FNDC3A: variants seen among roughly 807,000 people sequenced by gnomAD.
FNDC3A encodes fibronectin type-III domain-containing protein 3A.
Under a neutral mutation model 148.9 loss-of-function variants are expected in FNDC3A, and 32 were observed. That is an observed-to-expected ratio of 0.21 (90% CI 0.16 to 0.29). The LOEUF (loss-of-function observed/expected upper bound fraction) is 0.29. Ranked by LOEUF, FNDC3A falls within the 10% of genes least tolerant of loss-of-function variation. The pLI is 1.00. For missense variants in FNDC3A, 1,191 were observed against 1,452.8 expected, an observed-to-expected ratio of 0.82 and a Z score of 2.93; for synonymous variants, 472 against 473.6, an observed-to-expected ratio of 1.00 and a Z score of 0.04.
intron 3 of FNDC3A, among the ~76,000 whole-genome samples, chr13:49,097,431 G>A (rs1879602354): frequency 6.6e-6 from 1 of 151,988 alleles, no homozygotes; most frequent in Non-Finnish European, 1.5e-5. Flanking sequence ...GCAAAAGCCT[G>A]AGGGTATGGG....
intron 3 of FNDC3A, among the ~76,000 whole-genome samples, chr13:49,079,645 A>G (rs796674335): frequency 9.8e-5 from 15 of 152,342 alleles, no homozygotes; most frequent in African/African-American, 3.1e-4. Context: ...TGTTGAACCA[A>G]AAGTCTTCCT....
At chr13:49,094,927 TAAG>T (rs1271010930) in intron 3 of FNDC3A, among the ~76,000 whole-genome samples, 1 of 152,012 alleles carries the variant, frequency 6.6e-6, no homozygotes, top group Non-Finnish European at 1.5e-5. Flanking sequence ...TCTTTTGTAA[TAAG>T]AAAAAACATT....
chr13:49,001,095 A>G (rs1227700188), intron 1 of FNDC3A, among the ~76,000 whole-genome samples: 1 of 152,080 alleles, frequency 6.6e-6, no homozygotes, highest in Admixed American at 6.6e-5. Flanking sequence ...AGGGACCCCG[A>G]ATGGAGGGAT....
intron 8 of FNDC3A, 36 bp from the exon 9 acceptor site, chr13:49,167,208 T>C: frequency 1.5e-6 from 2 of 1,349,812 alleles, no homozygotes; most frequent in Non-Finnish European, 2.1e-6. Context: ...AAATGCTTTA[T>C]TTATCAGACA....
At chr13:49,030,338 T>G (rs1268964560) in intron 2 of FNDC3A, among the ~76,000 whole-genome samples, 2 of 151,982 alleles carry the variant, frequency 1.3e-5, no homozygotes, top group Non-Finnish European at 2.9e-5. Context: ...ATAAAAACAC[T>G]CAGTATACAA....
In FNDC3A at chr13:49,198,561, G is replaced by C; in HGVS notation, c.2974G>C (p.Asp992His). ...TATTCAGTACCACCTTCAGATGGAGGATAAGAATGGACGGTAGGTTTTTTT... is the reference window on the plus strand; with the variant it reads ...TATTCAGTACCACCTTCAGATGGAGCATAAGAATGGACGGTAGGTTTTTTT... ...DSIQYHLQME[D>H]KNGRFVSLYR... Residue 992 changes from aspartate to histidine, a missense_variant, in exon 23 of 26, where the codon GAT (aspartate) becomes CAT (histidine). Asp to His is a moderately conservative substitution (Grantham distance 81). Around this residue, in one of 3 missense-constraint regions of FNDC3A, gnomAD observed 751 missense variants for 944.0 expected, o/e 0.80. Coordinates refer to ENST00000492622, the MANE Select transcript of FNDC3A (RefSeq NM_001079673.2). The C allele has an allele frequency of 6.2e-7, 1 of 1,612,224 alleles. No homozygotes were observed. Among genetic ancestry groups the C allele is most frequent in the Non-Finnish European group, 8.5e-7 (1 of 1,178,246 alleles).
At chr13:49,033,836 AT>A (rs1399975903) in intron 2 of FNDC3A, among the ~76,000 whole-genome samples, 1 of 152,070 alleles carries the variant, frequency 6.6e-6, no homozygotes, top group African/African-American at 2.4e-5. Flanking sequence ...AGAGCTACAG[AT>A]TTACCAGTTT....
intron 8 of FNDC3A, among the ~76,000 whole-genome samples, chr13:49,149,764 A>C (rs1883184182): frequency 6.6e-6 from 1 of 152,154 alleles, no homozygotes; most frequent in Non-Finnish European, 1.5e-5. Context: ...TTTGAGGAGA[A>C]TTGGTGTTCC....
At chr13:49,066,899 A>G (rs540466794) in intron 2 of FNDC3A, among the ~76,000 whole-genome samples, 1 of 152,224 alleles carries the variant, frequency 6.6e-6, no homozygotes, top group African/African-American at 2.4e-5. Context: ...CACCAAACCC[A>G]TTCATATGAG....
intron 3 of FNDC3A, among the ~76,000 whole-genome samples, chr13:49,093,908 T>C (rs969887831): frequency 6.6e-6 from 1 of 152,204 alleles, no homozygotes; most frequent in African/African-American, 2.4e-5. Flanking sequence ...CTTTTGGTTT[T>C]AATTGCAAGA....
chr13:49,059,549 G>A (rs1036862591), intron 2 of FNDC3A, among the ~76,000 whole-genome samples: 2 of 152,192 alleles, frequency 1.3e-5, no homozygotes, highest in African/African-American at 2.4e-5. Flanking sequence ...TCAGCCTCCT[G>A]GGTTCAAGTG....
intron 3 of FNDC3A, among the ~76,000 whole-genome samples, chr13:49,091,507 T>C (rs562153454): frequency 2.6e-5 from 4 of 152,226 alleles, no homozygotes; most frequent in Non-Finnish European, 5.9e-5. Context: ...TCTACTTCCA[T>C]GCAGAGTACA....
intron 1 of FNDC3A, among the ~76,000 whole-genome samples, chr13:48,989,695 A>C (rs997057488): frequency 7.2e-5 from 11 of 152,236 alleles, no homozygotes; most frequent in Admixed American, 7.2e-4. Context: ...CACAATAAGC[A>C]TAAGAAAGAT....
Position 49,208,383 on chromosome 13 carries a change from A to G in FNDC3A, c.*988A>G, listed in dbSNP as rs568650781. 145 of 152,762 alleles carry G rather than the reference A, an allele frequency of 9.5e-4. No individual in the cohort carries two copies. The highest frequency in any genetic ancestry group is 1.6e-3 in the Non-Finnish European group (108 of 68,028). The allele number at this position is 152,762 out of a possible 1,614,324, so 9.5% of individuals were successfully genotyped here. ...TTCTCCCATAACTGCTGCCACCACC[A>G]TCAGAATTCATAATCAAACCTAACC... On this transcript the variant is annotated 3_prime_UTR_variant, in exon 26 of 26. Transcript: ENST00000492622.
chr13:49,172,129 A>G (rs1187810643), intron 11 of FNDC3A, 33 bp downstream of exon 11: 9 of 1,339,078 alleles, frequency 6.7e-6, no homozygotes, highest in African/African-American at 1.4e-5. Context: ...AATGGTTAAC[A>G]TTATGTGCAT....
At chr13:49,082,106 C>G (rs537888797) in intron 3 of FNDC3A, among the ~76,000 whole-genome samples, 6 of 152,036 alleles carry the variant, frequency 3.9e-5, no homozygotes, top group Admixed American at 3.3e-4. Context: ...TAGGATAGGC[C>G]CAGCACGGTG....
rs533248202 is a variant in FNDC3A at position 49,120,454 on chromosome 13, A to G, written c.252+5723A>G. Among the ~76,000 whole-genome samples the G allele has an allele frequency of 5.9e-5, 9 of 152,356 alleles. No homozygotes were observed. The South Asian group carries it at 1.7e-3, about 28-fold the overall frequency. ...CAACTAATGGGCAAAATAACCAGCT[A>G]GCATCATAATGACAGGATCGAATTC... On this transcript the variant is annotated intron_variant, in intron 4 of 25. Coordinates refer to ENST00000492622, the MANE Select transcript of FNDC3A (RefSeq NM_001079673.2).
intron 2 of FNDC3A, among the ~76,000 whole-genome samples, chr13:49,036,857 G>A (rs1874529069): frequency 6.6e-6 from 1 of 152,152 alleles, no homozygotes; most frequent in Admixed American, 6.5e-5. Flanking sequence ...AGCCCTGTTA[G>A]GAAAATATTA....
chr13:49,164,208 T>A (rs1884326473), intron 8 of FNDC3A, among the ~76,000 whole-genome samples: 2 of 152,230 alleles, frequency 1.3e-5, no homozygotes, highest in Non-Finnish European at 2.9e-5. Context: ...TTTGAATACA[T>A]CATCCCATTC....
Sources: gnomAD v4.1 joint callset for allele counts (sites outside exome capture counted in the v4.1 genomes callset) on GRCh38, gnomAD v4.1.1 for gene constraint, gnomAD v4.1.1 regional missense constraint, MANE v1.5 for transcripts, NCBI Gene and HGNC (gene_info 2026-07-23, HGNC 2026-07-21) for gene names.